The following SPON1 variants were observed in gnomAD, a reference collection of about 807,000 sequenced individuals.
SPON1 encodes spondin-1.
In SPON1, 52 loss-of-function variants were observed where a neutral mutation model predicts 111.7. The observed-to-expected ratio is 0.47, with a 90% CI of 0.37 to 0.59. The LOEUF (loss-of-function observed/expected upper bound fraction) is 0.59. SPON1 is among the 20% of genes least tolerant of loss of function. The pLI is 0.00. For missense variants in SPON1, 957 were observed against 1,068.5 expected, an observed-to-expected ratio of 0.90 and a Z score of 1.46; for synonymous variants, 410 against 395.8, an observed-to-expected ratio of 1.04 and a Z score of -0.43.
At chr11:14,094,320 G>A (rs1849082444) in intron 5 of SPON1, among the ~76,000 whole-genome samples, 2 of 151,832 alleles carry the variant, frequency 1.3e-5, no homozygotes, top group African/African-American at 4.8e-5. Context: ...GAAAACTGCT[G>A]GATCAAAGGA....
intron 6 of SPON1, among the ~76,000 whole-genome samples, chr11:14,160,580 TA>T (rs1847911992): frequency 3.6e-5 from 1 of 27,540 alleles, no homozygotes; most frequent in African/African-American, 1.3e-4. Context: ...TTTATATATA[TA>T]TTTACATATA....
intron 5 of SPON1, among the ~76,000 whole-genome samples, chr11:14,091,373 C>G (rs1156398926): frequency 6.6e-6 from 1 of 152,228 alleles, no homozygotes; most frequent in African/African-American, 2.4e-5. Flanking sequence ...CGCCGTGGAG[C>G]AGGGGGTGGT....
intron 6 of SPON1, among the ~76,000 whole-genome samples, chr11:14,194,488 A>G (rs1009950903): frequency 1.3e-5 from 2 of 152,004 alleles, no homozygotes; most frequent in Non-Finnish European, 2.9e-5. Context: ...GAGAATGCTA[A>G]GAAACAGTGG....
intron 6 of SPON1, among the ~76,000 whole-genome samples, chr11:14,176,286 C>T (rs1848174157): frequency 6.6e-6 from 1 of 152,112 alleles, no homozygotes; most frequent in African/African-American, 2.4e-5. Flanking sequence ...GATCCCTAAC[C>T]AAGAGCTCCA....
chr11:14,262,166 G>A (rs1554941972), intron 14 of SPON1, among the ~76,000 whole-genome samples: 1 of 152,160 alleles, frequency 6.6e-6, no homozygotes, highest in Non-Finnish European at 1.5e-5. Flanking sequence ...TCTGGCTCCT[G>A]TGTTTTTTGC....
chr11:14,091,933 G>A (rs1554923446), intron 5 of SPON1, among the ~76,000 whole-genome samples: 1 of 152,172 alleles, frequency 6.6e-6, no homozygotes, highest in Non-Finnish European at 1.5e-5. Context: ...GCGGGGCGGG[G>A]GAGGCCCCCA....
chr11:14,225,945 T>C (rs1299908017), intron 6 of SPON1, among the ~76,000 whole-genome samples: 1 of 152,246 alleles, frequency 6.6e-6, no homozygotes, highest in Non-Finnish European at 1.5e-5. Flanking sequence ...TTAGACATTG[T>C]ATGCATCATC....
chr11:14,193,701 C>T (rs557273932), intron 6 of SPON1, among the ~76,000 whole-genome samples: 4 of 152,298 alleles, frequency 2.6e-5, no homozygotes, highest in East Asian at 1.9e-4. Flanking sequence ...CTTCAAAGCT[C>T]GGGTATTGCC....
At chr11:14,016,857 A>G (rs1848447640) in intron 2 of SPON1, among the ~76,000 whole-genome samples, 1 of 152,162 alleles carries the variant, frequency 6.6e-6, no homozygotes, top group South Asian at 2.1e-4. Flanking sequence ...CTGATCACCT[A>G]CTAAGTGCTG....
At chr11:14,174,883 G>A (rs1848156847) in intron 6 of SPON1, among the ~76,000 whole-genome samples, 2 of 152,122 alleles carry the variant, frequency 1.3e-5, no homozygotes, top group Non-Finnish European at 1.5e-5. Context: ...TCCATGCCAA[G>A]TGGCCAATAT....
At chr11:13,985,750 G>A (rs1408252771) in intron 2 of SPON1, among the ~76,000 whole-genome samples, 1 of 152,130 alleles carries the variant, frequency 6.6e-6, no homozygotes. Context: ...GAGTCCCCAA[G>A]GAGTTCACTA....
chr11:14,003,366 A>T (rs1848334110), intron 2 of SPON1, among the ~76,000 whole-genome samples: 1 of 152,164 alleles, frequency 6.6e-6, no homozygotes, highest in Non-Finnish European at 1.5e-5. Flanking sequence ...AGCGAGAGAA[A>T]AGGGATGTTC....
intron 3 of SPON1, among the ~76,000 whole-genome samples, chr11:14,074,694 A>C (rs1001871469): frequency 6.6e-6 from 1 of 152,230 alleles, no homozygotes; most frequent in South Asian, 2.1e-4. Flanking sequence ...ATGTCTGTGC[A>C]ATCCCAAATT....
intron 6 of SPON1, among the ~76,000 whole-genome samples, chr11:14,240,943 G>A (rs539916232): frequency 6.6e-6 from 1 of 152,216 alleles, no homozygotes; most frequent in East Asian, 1.9e-4. Context: ...AGTATATAGT[G>A]TACATAGTAT....
intron 3 of SPON1, among the ~76,000 whole-genome samples, chr11:14,051,296 A>C (rs1554918560): frequency 6.6e-6 from 1 of 152,156 alleles, no homozygotes; most frequent in Admixed American, 6.5e-5. Context: ...ACACTTTGAG[A>C]AGCCAAGGTG....
chr11:14,041,423 TAA>T, intron 2 of SPON1, 96 bp from the exon 3 acceptor site: 1 of 1,411,916 alleles, frequency 7.1e-7, no homozygotes, highest in Non-Finnish European at 9.7e-7. Context: ...CATAAAATGA[TAA>T]GTTTAAAAAT....
chr11:14,189,392 A>G (rs1230259413), intron 6 of SPON1, among the ~76,000 whole-genome samples: 2 of 152,032 alleles, frequency 1.3e-5, no homozygotes, highest in East Asian at 1.9e-4. Context: ...TATACCAACA[A>G]TTCTCTTTTT....
intron 5 of SPON1, among the ~76,000 whole-genome samples, chr11:14,125,070 G>T (rs1235503787): frequency 1.1e-4 from 16 of 152,200 alleles, no homozygotes; most frequent in Admixed American, 1.0e-3. Context: ...AAACCAGAAT[G>T]GTCTGGTCAG....
intron 4 of SPON1, among the ~76,000 whole-genome samples, chr11:14,079,145 G>T (rs1848940853): frequency 6.6e-6 from 1 of 152,136 alleles, no homozygotes; most frequent in African/African-American, 2.4e-5. Flanking sequence ...CTAGAGATGT[G>T]GGTTTGACAA....
Sources: allele counts gnomAD v4.1 joint callset (sites outside exome capture counted in the v4.1 genomes callset), GRCh38; gene constraint gnomAD v4.1.1; transcripts MANE v1.5; gene names NCBI Gene and HGNC (gene_info 2026-07-23, HGNC 2026-07-21).